Variants in ADGRG6 observed in about 807,000 individuals in gnomAD.
ADGRG6 encodes the protein adhesion G protein-coupled receptor G6, also known as G-protein coupled receptor 126.
Under a neutral mutation model 142.4 loss-of-function variants are expected in ADGRG6, and 84 were observed. The ratio of observed to expected loss-of-function variants is 0.59; its 90% CI spans 0.49 to 0.71. The LOEUF (loss-of-function observed/expected upper bound fraction) is 0.71, where lower values mean the gene tolerates loss of function less well. ADGRG6 is among the 30% of genes least tolerant of loss of function. The probability of loss-of-function intolerance (pLI) is 0.00; values close to 1 mark genes in which losing one functional copy is unlikely to be tolerated. For missense variants in ADGRG6, 1,367 were observed against 1,466.6 expected, an observed-to-expected ratio of 0.93 and a Z score of 1.11; for synonymous variants, 521 against 520.5, an observed-to-expected ratio of 1.00 and a Z score of -0.01.
chr6:142,368,445 A>G (rs773279986), intron 3 of ADGRG6, among the ~76,000 whole-genome samples: 19 of 152,144 alleles, frequency 1.2e-4, no homozygotes, highest in Middle Eastern at 3.2e-3. Flanking sequence ...TATGTTTTCT[A>G]TATTCTGGCA....
intron 2 of ADGRG6, among the ~76,000 whole-genome samples, chr6:142,346,537 A>G (rs1438885071): frequency 2.0e-5 from 3 of 152,128 alleles, no homozygotes; most frequent in Non-Finnish European, 4.4e-5. Flanking sequence ...ATATACCCAA[A>G]GGATTATAAA....
chr6:142,440,156 G>A (rs1777681362), intron 24 of ADGRG6, among the ~76,000 whole-genome samples: 1 of 152,154 alleles, frequency 6.6e-6, no homozygotes, highest in Non-Finnish European at 1.5e-5. Flanking sequence ...AGGATAGAAA[G>A]GGCTATAGGA....
intron 2 of ADGRG6, among the ~76,000 whole-genome samples, chr6:142,325,327 G>A (rs905441797): frequency 6.6e-6 from 1 of 152,114 alleles, no homozygotes; most frequent in Non-Finnish European, 1.5e-5. Flanking sequence ...AAGTGCTAGA[G>A]CTTCCACCAA....
chr6:142,372,207 T>C (rs1216643597), intron 4 of ADGRG6, among the ~76,000 whole-genome samples: 1 of 152,220 alleles, frequency 6.6e-6, no homozygotes, highest in Admixed American at 6.5e-5. Flanking sequence ...ATTATAGGAC[T>C]GATTCAAACA....
chr6:142,357,466 C>G (rs908010686), intron 2 of ADGRG6, among the ~76,000 whole-genome samples: 1 of 152,128 alleles, frequency 6.6e-6, no homozygotes, highest in African/African-American at 2.4e-5. Context: ...TACATCAGCT[C>G]TTATTACTAA....
intron 22 of ADGRG6, among the ~76,000 whole-genome samples, chr6:142,424,764 A>G (rs1005079454): frequency 4.6e-5 from 7 of 152,184 alleles, no homozygotes; most frequent in African/African-American, 1.7e-4. Flanking sequence ...TCATTCCAGC[A>G]AAAATCATGA....
At chr6:142,435,844 G>A (rs940317636) in intron 22 of ADGRG6, among the ~76,000 whole-genome samples, 1 of 152,262 alleles carries the variant, frequency 6.6e-6, no homozygotes, top group East Asian at 1.9e-4. Context: ...ATAAAATAAC[G>A]GTTGCTGAGG....
chr6:142,379,894 G>A (rs151241730), intron 4 of ADGRG6, among the ~76,000 whole-genome samples: 1 of 152,152 alleles, frequency 6.6e-6, no homozygotes, highest in African/African-American at 2.4e-5. Context: ...AGCCTCAGGG[G>A]GTCCTGATGA....
intron 2 of ADGRG6, among the ~76,000 whole-genome samples, chr6:142,314,681 TTAAAG>T (rs1278382949): frequency 8.5e-5 from 13 of 152,288 alleles, no homozygotes; most frequent in African/African-American, 3.1e-4. Context: ...CACATTTACT[TTAAAG>T]TAATAAAGTC....
chr6:142,420,747 C>G (rs925016239), intron 22 of ADGRG6, among the ~76,000 whole-genome samples: 4 of 152,078 alleles, frequency 2.6e-5, no homozygotes, highest in Non-Finnish European at 5.9e-5. Flanking sequence ...GCAGTCATAC[C>G]TCTTATTCCA....
At chr6:142,317,728 AATATATATTT>A (rs1778159142) in intron 2 of ADGRG6, among the ~76,000 whole-genome samples, 2 of 107,524 alleles carry the variant, frequency 1.9e-5, no homozygotes, top group South Asian at 2.3e-4. Flanking sequence ...ATTATATATT[AATATATATTT>A]ATATAATATA....
Position 142,397,724 on chromosome 6 carries a change from G to A in ADGRG6, c.1536G>A (p.Leu512=). 2 of 1,603,934 alleles carry A rather than the reference G, an allele frequency of 1.2e-6. No homozygotes were observed. Among genetic ancestry groups the A allele is most frequent in the Non-Finnish European group, 1.7e-6 (2 of 1,175,524 alleles). ...LKNNESLDEG[L]RLHTVNVRQL... The stretch of plus-strand genomic sequence containing the variant: ...ATAATGAGTCCTTGGATGAAGGCTT[G>A]AGGCTACATACAGTGAATGTGAGAC... The change falls in exon 10 of 25, where the codon TTG becomes TTA. Residue 512 remains leucine (L), a synonymous_variant. Coordinates refer to ENST00000367609, the MANE Select transcript of ADGRG6 (RefSeq NM_198569.3).
chr6:142,313,083 C>T (rs190144528), intron 2 of ADGRG6, among the ~76,000 whole-genome samples: 40 of 151,826 alleles, frequency 2.6e-4, no homozygotes, highest in African/African-American at 8.9e-4. Context: ...GGAGGGATGA[C>T]GATGGAACTT....
chr6:142,405,770 A>AT lies in ADGRG6; in HGVS notation c.2212dup (p.Ser738PhefsTer5). On this transcript the variant is annotated frameshift_variant, in exon 15 of 25. Coordinates refer to ENST00000367609, the MANE Select transcript of ADGRG6 (RefSeq NM_198569.3). LOFTEE classifies it high-confidence loss of function. ...TTACTTGAGAATTTAAGTCCAGAAGATTCTGTATTAGTTAGAAGAGCACAG... is the reference window on the plus strand; with the variant it reads ...TTACTTGAGAATTTAAGTCCAGAAGATTTCTGTATTAGTTAGAAGAGCACAG... 1 of 1,607,562 alleles carries AT rather than the reference A, an allele frequency of 6.2e-7. No individual in the cohort carries two copies. The highest frequency in any genetic ancestry group is 1.7e-5 in the Admixed American group (1 of 59,806).
chr6:142,402,473 G>T lies in ADGRG6; in HGVS notation c.1745-147G>T. 5.3e-6 allele frequency: 3 copies of T among 567,084 alleles called. 1 individual carries two copies. The East Asian group carries it at 8.7e-5, about 17-fold the overall frequency. 35.1% of individuals were successfully genotyped at this position (567,084 alleles called of 1,614,324 possible). On this transcript the variant is annotated intron_variant, in intron 12 of 24. Transcript: ENST00000367609. ...GCATAGAAAGAAATATTATTGCCTT[G>T]TGAATATGGGGATGAGGTATACACA...
chr6:142,431,795 C>T (rs934549554), intron 22 of ADGRG6, among the ~76,000 whole-genome samples: 10 of 152,062 alleles, frequency 6.6e-5, no homozygotes, highest in South Asian at 6.2e-4. Flanking sequence ...TGGTGGCATG[C>T]GCCTGTAATC....
chr6:142,375,080 CT>C (rs1324759818), intron 4 of ADGRG6, among the ~76,000 whole-genome samples: 1 of 152,170 alleles, frequency 6.6e-6, no homozygotes, highest in Non-Finnish European at 1.5e-5. Context: ...CCATCCACCC[CT>C]GTGCCCCTGG....
At chr6:142,427,365 AC>A (rs1299936109) in intron 22 of ADGRG6, among the ~76,000 whole-genome samples, 2 of 152,148 alleles carry the variant, frequency 1.3e-5, no homozygotes, top group African/African-American at 4.8e-5. Flanking sequence ...CTTTGCTAAA[AC>A]ACAAGAGTCA....
intron 2 of ADGRG6, among the ~76,000 whole-genome samples, chr6:142,329,049 C>T (rs1413025679): frequency 6.6e-6 from 1 of 152,118 alleles, no homozygotes; most frequent in Non-Finnish European, 1.5e-5. Flanking sequence ...TTATTACTTA[C>T]ACTTCATATG....
Sources: gnomAD v4.1 joint callset for allele counts (sites outside exome capture counted in the v4.1 genomes callset) on GRCh38, gnomAD v4.1.1 for gene constraint, MANE v1.5 for transcripts, NCBI Gene and HGNC (gene_info 2026-07-23, HGNC 2026-07-21) for gene names.